The following MBOAT7 variants were observed in gnomAD, a reference collection of about 807,000 sequenced individuals.
The protein encoded by MBOAT7 is membrane bound acylglycerophosphatidylinositol O-acyltransferase MBOAT7.
In MBOAT7, 40 loss-of-function variants were observed where a neutral mutation model predicts 47.4. That is an observed-to-expected ratio of 0.84 (90% confidence interval 0.66 to 1.10). The LOEUF (loss-of-function observed/expected upper bound fraction) is 1.10. Among genes scored for constraint, MBOAT7 ranks in the 50% least tolerant of loss-of-function variants. The pLI is 0.00. For synonymous variants in MBOAT7, 361 were observed against 292.0 expected, an observed-to-expected ratio of 1.24 and a Z score of -2.41; for missense variants, 680 against 655.6, an observed-to-expected ratio of 1.04 and a Z score of -0.41.
At position 54,188,487 on chromosome 19, in the gene MBOAT7, A is replaced by C; in HGVS notation, c.22T>G (p.Tyr8Asp). MSPEEWT[Y>D]LVVLLISIPI... ...ATGGAGATAAGAAGAACCACTAGAT[A>C]CGTCCATTCTTCAGGCGACATGGTC... The change falls in exon 2 of 8, where the codon TAT (tyrosine) becomes GAT (aspartate). Residue 8 changes from tyrosine (Y) to aspartate (D), a missense_variant. By Grantham distance (160) the Tyr-to-Asp change is radical. Coordinates refer to ENST00000245615, the MANE Select transcript of MBOAT7 (RefSeq NM_024298.5). 1 of 1,553,990 alleles carries C rather than the reference A, an allele frequency of 6.4e-7. No homozygotes were observed. The highest frequency in any genetic ancestry group is 8.7e-7 in the Non-Finnish European group (1 of 1,147,992).
intron 7 of MBOAT7, 174 bp downstream of exon 7, chr19:54,178,591 T>C: frequency 7.0e-7 from 1 of 1,429,436 alleles, no homozygotes; most frequent in South Asian, 1.5e-5. Context: ...GGAACGATTT[T>C]ACACCGGCAT....
In MBOAT7 at chr19:54,175,883, C is replaced by G. The variant is rs139616502; in HGVS notation, c.1032-1452G>C. Among the ~76,000 whole-genome samples the G allele has an allele frequency of 6.0e-3, 914 of 152,300 alleles. 13 individuals carry two copies. Among genetic ancestry groups the G allele is most frequent in the African/African-American group, 0.021 (859 of 41,558 alleles). On this transcript the variant is annotated intron_variant, in intron 7 of 7. Coordinates refer to ENST00000245615, the MANE Select transcript of MBOAT7 (RefSeq NM_024298.5). ...GGGACTACAGGTGCCCACCACCATG[C>G]CAGGCTAATTTTTGTATTTCTGGTA...
chr19:54,181,973 AGGAGGGAGGGAAGGAAGGAG>A (rs2076297206), intron 5 of MBOAT7, among the ~76,000 whole-genome samples: 2 of 48,174 alleles, frequency 4.2e-5, no homozygotes, highest in Non-Finnish European at 7.8e-5. Flanking sequence ...GAGGGAAGGA[AGGAGGGAGGGAAGGAAGGAG>A]GGAGGGAGGG....
intron 7 of MBOAT7, among the ~76,000 whole-genome samples, chr19:54,175,221 G>T (rs565401455): frequency 6.6e-6 from 1 of 152,090 alleles, no homozygotes; most frequent in Non-Finnish European, 1.5e-5. Flanking sequence ...CTCGTGATCT[G>T]CCCGCCTTGG....
At chr19:54,175,210 C>A (rs682207) in intron 7 of MBOAT7, among the ~76,000 whole-genome samples, 10 of 152,194 alleles carry the variant, frequency 6.6e-5, no homozygotes, top group East Asian at 3.9e-4. Flanking sequence ...GATCTCCTGA[C>A]CTCGTGATCT....
Position 54,180,855 on chromosome 19 carries a change from C to A in MBOAT7, c.772G>T (p.Ala258Ser), listed in dbSNP as rs2076244502. ...AWIAAECGCI[A>S]AGFGAYPVAA... ...ACGGGGTAGGCCCCAAAGCCGGCGG[C>A]AATGCAGCCGCACTCGGCGGCAATC... Residue 258 changes from alanine (A) to serine (S), a missense_variant, in exon 6 of 8, where the codon GCC becomes TCC. Ala to Ser is a moderately conservative substitution (Grantham distance 99). Coordinates refer to ENST00000245615, the MANE Select transcript of MBOAT7 (RefSeq NM_024298.5). This position sits in a 1 kb window ranked among gnomAD's most constrained non-coding sequence, Gnocchi z 5.2. 1 of 1,583,360 alleles carries A rather than the reference C, an allele frequency of 6.3e-7. No individual in the cohort carries two copies. The highest frequency in any genetic ancestry group is 2.3e-5 in the East Asian group (1 of 43,882).
At chr19:54,178,460 C>T in intron 7 of MBOAT7, 1 of 1,320,946 alleles carries the variant, frequency 7.6e-7, no homozygotes, top group Non-Finnish European at 9.6e-7. Context: ...CTCAAGGTTT[C>T]TCCATAACCT....
At chr19:54,175,566 T>C (rs1014874367) in intron 7 of MBOAT7, among the ~76,000 whole-genome samples, 4 of 152,136 alleles carry the variant, frequency 2.6e-5, no homozygotes, top group Non-Finnish European at 4.4e-5. Flanking sequence ...CCATCTTTCC[T>C]CACTCTTTTT....
intron 7 of MBOAT7, among the ~76,000 whole-genome samples, chr19:54,177,979 C>T (rs2076159495): frequency 8.1e-6 from 1 of 124,044 alleles, no homozygotes; most frequent in South Asian, 2.7e-4. Flanking sequence ...GGCGAGATCC[C>T]AGCTCCCTGC....
chr19:54,188,000 A>G (rs2076478468), intron 3 of MBOAT7, among the ~76,000 whole-genome samples: 1 of 142,570 alleles, frequency 7.0e-6, no homozygotes, highest in Admixed American at 7.2e-5. Context: ...GGGCAACAGG[A>G]GCGAAACTCC....
chr19:54,173,880 A>G lies in MBOAT7; in HGVS notation c.*164T>C. The G allele has an allele frequency of 2.5e-6, 2 of 808,542 alleles. No individual in the cohort carries two copies. Among genetic ancestry groups the G allele is most frequent in the Non-Finnish European group, 3.7e-6 (2 of 539,148 alleles). The allele number at this position is 808,542 out of a possible 1,614,324, so 50.1% of individuals were successfully genotyped here. ...GGTGGCCTCTGGGCAGAGGGCAGGG[A>G]GGACACCCCCGGGTCTGCTTCAGTT... On this transcript the variant is annotated 3_prime_UTR_variant, in exon 8 of 8. Transcript: ENST00000245615.
rs932464233 is a variant in MBOAT7, at chr19:54,174,626, C to T, written c.1032-195G>A. Among the ~76,000 whole-genome samples the T allele has an allele frequency of 2.0e-5, 3 of 149,484 alleles. No individual in the cohort carries two copies. The Admixed American group carries it at 2.1e-4, about 10-fold the overall frequency. On this transcript the variant is annotated intron_variant, in intron 7 of 7. Transcript: ENST00000245615. ...GACCCAGGAGATCAGGCCCCAGTCC[C>T]TCCTCCCTCAGACCCAGGAGACCAG...
At chr19:54,179,212 C>T (rs1370981505) in intron 6 of MBOAT7, 8 of 559,290 alleles carry the variant, frequency 1.4e-5, no homozygotes, top group Non-Finnish European at 2.5e-5. Flanking sequence ...CCATGAAAAG[C>T]CTTGAAGGGC....
rs2076346066 is a variant in MBOAT7, at chr19:54,183,572, A to G, written c.442T>C (p.Ser148Pro). ...CTGTAGCTGAGTGTCTCCATCAGGG[A>G]GGGCACGTCGGGCAGCAGCCCCAGG... The part of the protein sequence containing the change: ...PTLGLLPDVP[S>P]LMETLSYSYC... Residue 148 changes from serine to proline, a missense_variant, in exon 5 of 8, where the codon TCC becomes CCC. By Grantham distance (74) the Ser-to-Pro change is moderately conservative. Coordinates refer to ENST00000245615, the MANE Select transcript of MBOAT7 (RefSeq NM_024298.5). The G allele has an allele frequency of 1.9e-6, 3 of 1,608,360 alleles. No homozygotes were observed. The highest frequency in any genetic ancestry group is 2.5e-6 in the Non-Finnish European group (3 of 1,177,636).
chr19:54,177,000 T>A (rs1600635512), intron 7 of MBOAT7, among the ~76,000 whole-genome samples: 1 of 151,916 alleles, frequency 6.6e-6, no homozygotes, highest in East Asian at 1.9e-4. Context: ...GGCACGCGGA[T>A]CACTTGAGGC....
At chr19:54,183,430 C>T (rs1319932772) in intron 5 of MBOAT7, 91 bp downstream of exon 5, 1 of 1,475,974 alleles carries the variant, frequency 6.8e-7, no homozygotes, top group Non-Finnish European at 9.2e-7. Context: ...TGGAGGTTGC[C>T]CTGGGCAGGG....
rs1172986545 is a variant in MBOAT7, at chr19:54,173,999, C to T, written c.*45G>A. The T allele has an allele frequency of 6.5e-7, 1 of 1,528,312 alleles. No homozygotes were observed. The highest frequency in any genetic ancestry group is 8.8e-7 in the Non-Finnish European group (1 of 1,141,892). 94.7% of individuals were successfully genotyped at this position (1,528,312 alleles called of 1,614,324 possible). ...CTGGGGAGGAGACAGCAGCCTGGTT[C>T]ACAGAATTCCCGGGACCAGCTGGCA... On this transcript the variant is annotated 3_prime_UTR_variant, in exon 8 of 8. Coordinates refer to ENST00000245615, the MANE Select transcript of MBOAT7 (RefSeq NM_024298.5).
Position 54,174,168 on chromosome 19 carries a change from C to G in MBOAT7, c.1295G>C (p.Cys432Ser). ...TLRYWASIYFCIHFLALAALG... is the reference protein window; with the variant it reads ...TLRYWASIYFSIHFLALAALG... ...GGCTGCCAGGGCCAGGAAGTGGATA[C>G]AGAAGTAGATGGAGGCCCAGTACCG... The change falls in exon 8 of 8, where the codon TGT (cysteine) becomes TCT (serine). Residue 432 changes from cysteine to serine, a missense_variant. Physicochemically the swap from Cys to Ser is moderately radical, Grantham distance 112. Transcript: ENST00000245615. 1 of 1,601,068 alleles carries G rather than the reference C, an allele frequency of 6.2e-7. No homozygotes were observed. The highest frequency in any genetic ancestry group is 1.1e-5 in the South Asian group (1 of 89,862).
Position 54,174,306 on chromosome 19 carries a change from C to T in MBOAT7, c.1157G>A (p.Arg386Gln), listed in dbSNP as rs779663724. 26 of 1,613,142 alleles carry T rather than the reference C, an allele frequency of 1.6e-5. 1 individual carries two copies. In the Middle Eastern group the frequency reaches 8.2e-4, roughly 51 times the overall value. Residue 386 changes from arginine to glutamine, a missense_variant, in exon 8 of 8, where the codon CGG becomes CAG. Physicochemically the swap from Arg to Gln is conservative, Grantham distance 43. Coordinates refer to ENST00000245615, the MANE Select transcript of MBOAT7 (RefSeq NM_024298.5). ...EGRLESALRG[R>Q]LSPGGQKAWD... ...GGCCTTCTGGCCCCCTGGGCTCAGC[C>T]GCCCCCGCAGGGCTGACTCCAGCCG...
Sources: allele counts gnomAD v4.1 joint callset (sites outside exome capture counted in the v4.1 genomes callset), GRCh38; gene constraint gnomAD v4.1.1; non-coding constraint Gnocchi (gnomAD v3.1); transcripts MANE v1.5; gene names NCBI Gene and HGNC (gene_info 2026-07-23, HGNC 2026-07-21).